SNTG1: variants seen among roughly 807,000 people sequenced by gnomAD.
The protein encoded by SNTG1 is syntrophin gamma 1, also known as gamma-1-syntrophin.
Under a neutral mutation model 74.7 loss-of-function variants are expected in SNTG1, and 39 were observed. The ratio of observed to expected loss-of-function variants is 0.52; its 90% CI spans 0.40 to 0.68. The LOEUF is 0.68. SNTG1 is among the 30% of genes least tolerant of loss of function. The pLI, the probability that SNTG1 is intolerant of heterozygous loss-of-function variation, is 0.00. For missense variants in SNTG1, 685 were observed against 609.5 expected, an observed-to-expected ratio of 1.12 and a Z score of -1.30; for synonymous variants, 254 against 217.1, an observed-to-expected ratio of 1.17 and a Z score of -1.49.
At chr8:50,123,380 A>T (rs1420344570) in intron 1 of SNTG1, among the ~76,000 whole-genome samples, 1 of 142,662 alleles carries the variant, frequency 7.0e-6, no homozygotes, top group Non-Finnish European at 1.6e-5. Flanking sequence ...CACAGGTCTT[A>T]TGTGAATTCC....
At chr8:50,634,934 A>G (rs1442087305) in intron 13 of SNTG1, among the ~76,000 whole-genome samples, 6 of 152,180 alleles carry the variant, frequency 3.9e-5, no homozygotes, top group African/African-American at 1.4e-4. Context: ...CATATTATGT[A>G]ACTTTTTGGT....
At chr8:50,520,753 A>G (rs183467099) in intron 9 of SNTG1, among the ~76,000 whole-genome samples, 243 of 152,336 alleles carry the variant, frequency 1.6e-3, no homozygotes, top group African/African-American at 5.5e-3. Context: ...AATGGTGATC[A>G]TTAAGAAGTC....
At chr8:50,595,965 T>C (rs1341576699) in intron 13 of SNTG1, among the ~76,000 whole-genome samples, 6 of 151,994 alleles carry the variant, frequency 3.9e-5, no homozygotes, top group Admixed American at 3.9e-4. Context: ...TTGACATATG[T>C]TTTTATTATA....
intron 1 of SNTG1, among the ~76,000 whole-genome samples, chr8:49,979,179 A>C (rs1275847052): frequency 6.6e-6 from 1 of 152,234 alleles, no homozygotes; most frequent in Non-Finnish European, 1.5e-5. Context: ...AATGAGCAGC[A>C]GGGCAGTTCA....
chr8:50,456,797 G>A (rs1009254545), intron 8 of SNTG1, among the ~76,000 whole-genome samples: 78 of 152,214 alleles, frequency 5.1e-4, no homozygotes, highest in Middle Eastern at 3.4e-3. Context: ...GATTTCCTTG[G>A]AGAGGAGTCT....
intron 17 of SNTG1, among the ~76,000 whole-genome samples, chr8:50,724,309 G>T (rs2131600024): frequency 6.6e-6 from 1 of 152,256 alleles, no homozygotes; most frequent in Admixed American, 6.5e-5. Flanking sequence ...AAAGGGGTGG[G>T]TGTCGGAGAC....
intron 1 of SNTG1, among the ~76,000 whole-genome samples, chr8:49,973,182 C>A (rs1811866554): frequency 6.6e-6 from 1 of 151,986 alleles, no homozygotes; most frequent in Admixed American, 6.6e-5. Flanking sequence ...TACTATGCAG[C>A]CATAAAAAAG....
In SNTG1 at chr8:49,982,790, G is replaced by A. The variant is rs1812804840; in HGVS notation, c.-103+70559G>A. ...TTATTTTTAGAAAACTAATCAAGTG[G>A]ATATTTGTCTATTAACACTTATGTC... On this transcript the variant is annotated intron_variant, in intron 1 of 18. Transcript: ENST00000642720. 2.6e-5 allele frequency among the ~76,000 whole-genome samples: 4 copies of A among 151,970 alleles called. No individual in the cohort carries two copies. In the South Asian group the frequency reaches 8.3e-4, roughly 32 times the overall value.
chr8:50,486,120 T>C (rs1329330732), intron 8 of SNTG1, among the ~76,000 whole-genome samples: 1 of 152,234 alleles, frequency 6.6e-6, no homozygotes, highest in African/African-American at 2.4e-5. Context: ...TAGGATTGAC[T>C]TGGCGATGCA....
At chr8:50,359,759 G>T (rs992609981) in intron 2 of SNTG1, among the ~76,000 whole-genome samples, 31 of 152,272 alleles carry the variant, frequency 2.0e-4, no homozygotes, top group Middle Eastern at 3.4e-3. Flanking sequence ...TTTTAAGGTA[G>T]AAAACTTTAA....
At chr8:50,776,960 T>G (rs2095642538) in intron 18 of SNTG1, among the ~76,000 whole-genome samples, 1 of 151,870 alleles carries the variant, frequency 6.6e-6, no homozygotes, top group South Asian at 2.1e-4. Flanking sequence ...TCATTTGACT[T>G]GTGTTCTCCT....
At chr8:50,098,817 T>TTCTA in intron 1 of SNTG1, among the ~76,000 whole-genome samples, 1 of 152,296 alleles carries the variant, frequency 6.6e-6, no homozygotes. Flanking sequence ...GCAGGCAATG[T>TTCTA]TCTAGGTTTT....
At chr8:50,077,451 C>A (rs368270833) in intron 1 of SNTG1, among the ~76,000 whole-genome samples, 10 of 152,134 alleles carry the variant, frequency 6.6e-5, no homozygotes, top group African/African-American at 2.4e-4. Flanking sequence ...ACACTGAATT[C>A]AAATCAGTTT....
intron 17 of SNTG1, among the ~76,000 whole-genome samples, chr8:50,721,738 C>T (rs944094418): frequency 5.9e-5 from 9 of 152,096 alleles, no homozygotes; most frequent in African/African-American, 1.9e-4. Context: ...ATGTGGTGAA[C>T]GTGTATGGTG....
chr8:49,982,638 G>GTA (rs1278733441), intron 1 of SNTG1, among the ~76,000 whole-genome samples: 1 of 143,678 alleles, frequency 7.0e-6, no homozygotes, highest in African/African-American at 2.6e-5. Context: ...CCAAAACAGT[G>GTA]TGTGTGTGTG....
At chr8:50,782,486 GT>G (rs2095662516) in intron 18 of SNTG1, among the ~76,000 whole-genome samples, 1 of 152,038 alleles carries the variant, frequency 6.6e-6, no homozygotes, top group Non-Finnish European at 1.5e-5. Context: ...CTTTCTTCCA[GT>G]TGATCGCATT....
intron 15 of SNTG1, among the ~76,000 whole-genome samples, chr8:50,702,528 G>A (rs2131518262): frequency 6.6e-6 from 1 of 152,304 alleles, no homozygotes; most frequent in Non-Finnish European, 1.5e-5. Context: ...TGCCAAAGCA[G>A]AGAATTCCAT....
chr8:50,486,141 T>G (rs1481218959), intron 8 of SNTG1, among the ~76,000 whole-genome samples: 1 of 152,204 alleles, frequency 6.6e-6, no homozygotes, highest in Non-Finnish European at 1.5e-5. Flanking sequence ...GGCTCTTTTT[T>G]GCTTCCACAT....
At chr8:50,628,874 A>C (rs1294395994) in intron 13 of SNTG1, among the ~76,000 whole-genome samples, 1 of 152,180 alleles carries the variant, frequency 6.6e-6, no homozygotes, top group Non-Finnish European at 1.5e-5. Context: ...GTTACCTATC[A>C]ACATGTAGAA....
Sources: allele counts gnomAD v4.1 joint callset (sites outside exome capture counted in the v4.1 genomes callset), GRCh38; gene constraint gnomAD v4.1.1; transcripts MANE v1.5; gene names NCBI Gene and HGNC (gene_info 2026-07-23, HGNC 2026-07-21).